The following FARSB variants were observed in gnomAD, a reference collection of about 807,000 sequenced individuals.
The protein encoded by FARSB is phenylalanyl-tRNA synthetase subunit beta.
FARSB carries 40 observed loss-of-function variants against 69.6 expected under a neutral mutation model. That is an observed-to-expected ratio of 0.57 (90% CI 0.45 to 0.75). The LOEUF (loss-of-function observed/expected upper bound fraction) is 0.75, where lower values mean the gene tolerates loss of function less well. FARSB is among the 30% of genes least tolerant of loss of function. The pLI is 0.00. For missense variants in FARSB, 632 were observed against 722.9 expected (o/e 0.87, Z 1.44); for synonymous variants, 235 against 247.2 (o/e 0.95, Z 0.46).
intron 16 of FARSB, among the ~76,000 whole-genome samples, chr2:222,587,157 C>G (rs2106185946): frequency 6.6e-6 from 1 of 152,332 alleles, no homozygotes; most frequent in African/African-American, 2.4e-5. Context: ...AGCAAACTGT[C>G]TCTCAGACCA....
At chr2:222,611,706 A>G (rs1690858644) in intron 15 of FARSB, among the ~76,000 whole-genome samples, 1 of 152,232 alleles carries the variant, frequency 6.6e-6, no homozygotes, top group South Asian at 2.1e-4. Flanking sequence ...CCTTCGGGCC[A>G]GAAAGAGAAG....
At chr2:222,583,300 T>C (rs1322470694) in intron 16 of FARSB, among the ~76,000 whole-genome samples, 1 of 152,216 alleles carries the variant, frequency 6.6e-6, no homozygotes, top group Non-Finnish European at 1.5e-5. Context: ...CCACAAGACA[T>C]TTATTAATTA....
intron 15 of FARSB, among the ~76,000 whole-genome samples, chr2:222,602,331 C>A (rs1245260662): frequency 6.6e-6 from 1 of 151,652 alleles, no homozygotes; most frequent in Non-Finnish European, 1.5e-5. Context: ...ATTTACAAAT[C>A]TAATGTGATC....
Position 222,568,451 on chromosome 2 carries a change from A to T in FARSB, c.*3420T>A, listed in dbSNP as rs930455951. 13 of 152,090 alleles carry T rather than the reference A, an allele frequency of 8.5e-5. No homozygotes were observed. The highest frequency in any genetic ancestry group is 1.9e-4 in the African/African-American group (8 of 41,424). The allele number at this position is 152,090 out of a possible 1,614,324, so 9.4% of individuals were successfully genotyped here. ...TGAGTAAGTTATTGATCTCTCTGAA[A>T]CTCAACTGTTTTCACCCTACACATC... On this transcript the variant is annotated 3_prime_UTR_variant, in exon 17 of 17. Coordinates refer to ENST00000281828, the MANE Select transcript of FARSB (RefSeq NM_005687.5). This position sits in a 1 kb window ranked among gnomAD's most constrained non-coding sequence, Gnocchi z 4.3.
At chr2:222,604,585 C>T (rs1262567138) in intron 15 of FARSB, among the ~76,000 whole-genome samples, 1 of 152,160 alleles carries the variant, frequency 6.6e-6, no homozygotes, top group Admixed American at 6.5e-5. Context: ...GACAGGGTCT[C>T]ACTCCAGTAG....
chr2:222,641,578 T>C (rs1691720286), intron 3 of FARSB, among the ~76,000 whole-genome samples: 1 of 152,238 alleles, frequency 6.6e-6, no homozygotes, highest in Admixed American at 6.5e-5. Flanking sequence ...TAAGTTCTCA[T>C]GTGATTCAGA....
At chr2:222,644,805 A>G (rs1691806495) in intron 2 of FARSB, among the ~76,000 whole-genome samples, 1 of 152,230 alleles carries the variant, frequency 6.6e-6, no homozygotes, top group African/African-American at 2.4e-5. Context: ...AAATAGAACA[A>G]TTAAAATAAT....
Position 222,571,239 on chromosome 2 carries a change from C to G in FARSB, c.*632G>C, listed in dbSNP as rs947512766. On this transcript the variant is annotated 3_prime_UTR_variant, in exon 17 of 17. Coordinates refer to ENST00000281828, the MANE Select transcript of FARSB (RefSeq NM_005687.5). ...AGAACAGATCTTTGTTGCATGTACT[C>G]TATCTTAGAGTATCACAGATAGAGT... The G allele has an allele frequency of 1.3e-5, 2 of 152,202 alleles. No individual in the cohort carries two copies. The highest frequency in any genetic ancestry group is 2.4e-5 in the African/African-American group (1 of 41,434). The allele number at this position is 152,202 out of a possible 1,614,324, so 9.4% of individuals were successfully genotyped here.
At chr2:222,611,268 T>C (rs1179599921) in intron 15 of FARSB, among the ~76,000 whole-genome samples, 2 of 151,806 alleles carry the variant, frequency 1.3e-5, no homozygotes, top group African/African-American at 2.4e-5. Flanking sequence ...AATAGAGTGG[T>C]GTAATTATAA....
At chr2:222,637,784 C>T (rs1691622522) in intron 5 of FARSB, among the ~76,000 whole-genome samples, 1 of 152,012 alleles carries the variant, frequency 6.6e-6, no homozygotes, top group South Asian at 2.1e-4. Context: ...CCTATAAGGC[C>T]AGCCTGGACA....
chr2:222,624,336 G>T lies in FARSB; in HGVS notation c.1106C>A (p.Ala369Asp). Residue 369 changes from alanine to aspartate, a missense_variant, in exon 12 of 17, where the codon GCT (alanine) becomes GAT (aspartate). Physicochemically the swap from Ala to Asp is moderately radical, Grantham distance 126. Transcript: ENST00000281828. Reference protein sequence around the residue: ...IHACDIVEDAAIAYGYNNIQM... With the variant: ...IHACDIVEDADIAYGYNNIQM... ...AATGTTGTTATATCCATAAGCAATAGCTGCATCTTCTACAATATCACATGC... is the reference window on the plus strand; with the variant it reads ...AATGTTGTTATATCCATAAGCAATATCTGCATCTTCTACAATATCACATGC... 1 of 1,612,192 alleles carries T rather than the reference G, an allele frequency of 6.2e-7. No individual in the cohort carries two copies. Among genetic ancestry groups the T allele is most frequent in the Non-Finnish European group, 8.5e-7 (1 of 1,178,424 alleles).
At chr2:222,593,603 C>T (rs1031001281) in intron 16 of FARSB, among the ~76,000 whole-genome samples, 1 of 152,060 alleles carries the variant, frequency 6.6e-6, no homozygotes, top group Non-Finnish European at 1.5e-5. Flanking sequence ...AAAGACTAGG[C>T]GTGGTGGCTC....
chr2:222,623,368 A>G (rs557798568), intron 13 of FARSB, among the ~76,000 whole-genome samples: 1 of 152,320 alleles, frequency 6.6e-6, no homozygotes, highest in South Asian at 2.1e-4. Context: ...TATGAAATAC[A>G]TTGTGAACTC....
chr2:222,604,017 C>CT (rs577536621), intron 15 of FARSB, among the ~76,000 whole-genome samples: 88 of 151,946 alleles, frequency 5.8e-4, no homozygotes, highest in South Asian at 1.2e-3. Context: ...GAGATCGAGA[C>CT]CATCCTGGCT....
In FARSB at chr2:222,571,942, C is replaced by G; in HGVS notation, c.1699G>C (p.Asp567His). 6.2e-7 allele frequency: 1 copy of G among 1,613,814 alleles called. No individual in the cohort carries two copies. The highest frequency in any genetic ancestry group is 1.7e-5 in the Admixed American group (1 of 59,974). The change falls in exon 17 of 17, where the codon GAC becomes CAC. Residue 567 changes from aspartate to histidine, a missense_variant. Physicochemically the swap from Asp to His is moderately conservative, Grantham distance 81. Transcript: ENST00000281828. ...GTCAGCTCAAATTTGGTGATAACGT[C>G]AGGATGAAGGACCCCAAGCTTCCCG... ...SVGKLGVLHP[D>H]VITKFELTMP...
rs34295305 is a variant in FARSB, at chr2:222,636,385, C to CAAA, written c.456-1847_456-1845dup. On this transcript the variant is annotated intron_variant, in intron 5 of 16. Coordinates refer to ENST00000281828, the MANE Select transcript of FARSB (RefSeq NM_005687.5). ...TGGGCGAGAGTGCGAGACTCTATCT[C>CAAA]AAAAAAAAAAAAAAAAAAAGAATAT... Among the ~76,000 whole-genome samples the CAAA allele has an allele frequency of 1.2e-3, 120 of 96,620 alleles. No homozygotes were observed. The East Asian group carries it at 0.02, about 16-fold the overall frequency. The allele number at this position is 96,620 out of a possible 152,430, so 63.4% of individuals were successfully genotyped here.
At chr2:222,585,071 C>T (rs1690074345) in intron 16 of FARSB, among the ~76,000 whole-genome samples, 1 of 152,226 alleles carries the variant, frequency 6.6e-6, no homozygotes, top group South Asian at 2.1e-4. Flanking sequence ...CCCGAGTAAC[C>T]TAACTAGGAG....
chr2:222,613,867 G>A lies in FARSB; in HGVS notation c.1406C>T (p.Pro469Leu), dbSNP rs750112041. The A allele has an allele frequency of 1.9e-6, 3 of 1,613,384 alleles. No homozygotes were observed. Among genetic ancestry groups the A allele is most frequent in the Non-Finnish European group, 2.5e-6 (3 of 1,179,572 alleles). The change falls in exon 15 of 17, where the codon CCC (proline) becomes CTC (leucine). Residue 469 changes from proline to leucine, a missense_variant. Pro to Leu is a moderately conservative substitution (Grantham distance 98, BLOSUM62 -3). Coordinates refer to ENST00000281828, the MANE Select transcript of FARSB (RefSeq NM_005687.5). ...LKTIAANRKM[P>L]LPLKLFEISD... is the part of the protein sequence containing the mutation. ...GATTTCAAACAGTTTCAGTGGAAGGGGCATCTTACGATTTGCTGCTATGGT... is the reference window on the plus strand; with the variant it reads ...GATTTCAAACAGTTTCAGTGGAAGGAGCATCTTACGATTTGCTGCTATGGT...
intron 15 of FARSB, among the ~76,000 whole-genome samples, chr2:222,612,400 T>C (rs1465705536): frequency 6.6e-6 from 1 of 152,212 alleles, no homozygotes; most frequent in African/African-American, 2.4e-5. Context: ...GGGACAATAT[T>C]GGGGAACAGA....
Sources: allele counts gnomAD v4.1 joint callset (sites outside exome capture counted in the v4.1 genomes callset), GRCh38; gene constraint gnomAD v4.1.1; non-coding constraint Gnocchi (gnomAD v3.1); transcripts MANE v1.5; gene names NCBI Gene and HGNC (gene_info 2026-07-23, HGNC 2026-07-21).